The following KDM2A variants were observed in gnomAD, a reference collection of about 807,000 sequenced individuals.
The protein encoded by KDM2A is lysine demethylase 2A.
In KDM2A, 3 loss-of-function variants were observed where a neutral mutation model predicts 137.3. That is an observed-to-expected ratio of 0.02 (90% confidence interval 0.01 to 0.06). KDM2A has a LOEUF of 0.06. KDM2A is among the 10% of genes least tolerant of loss of function. The pLI, the probability that KDM2A is intolerant of heterozygous loss-of-function variation, is 1.00. For missense variants in KDM2A, 738 were observed against 1,510.6 expected (o/e 0.49, Z 8.48); for synonymous variants, 512 against 541.5 (o/e 0.95, Z 0.76).
chr11:67,207,393 GTAT>G (rs1320856562), intron 5 of KDM2A, 114 bp from the exon 6 acceptor site: 56 of 707,532 alleles, frequency 7.9e-5, no homozygotes, highest in African/African-American at 6.6e-4. Flanking sequence ...TTTTCCTTGT[GTAT>G]TATTGAAAAT....
At position 67,245,246 on chromosome 11, in the gene KDM2A, C is replaced by G; in HGVS notation, c.1621C>G (p.His541Asp). 6.2e-7 allele frequency: 1 copy of G among 1,614,048 alleles called. No homozygotes were observed. The highest frequency in any genetic ancestry group is 8.5e-7 in the Non-Finnish European group (1 of 1,179,904). The change falls in exon 14 of 21, where the codon CAC becomes GAC. Residue 541 changes from histidine (H) to aspartate (D), a missense_variant. By Grantham distance (81) the His-to-Asp change is moderately conservative. This residue lies in a region of KDM2A where 71 missense variants were observed against 147.9 expected (regional missense o/e 0.48). Transcript: ENST00000529006. The surrounding 1 kb of genome is among the most constrained non-coding windows in gnomAD (Gnocchi z 4.1). ...RVPTIPITKP[H>D]TMKPAPRLTP... ...TCCTACCATCCCCATTACGAAGCCT[C>G]ACACTATGAAACCAGCTCCACGGTT... is the stretch of plus-strand genomic sequence containing the variant.
At chr11:67,217,966 G>C in intron 9 of KDM2A, 82 bp downstream of exon 9, 3 of 1,224,236 alleles carry the variant, frequency 2.5e-6, no homozygotes, top group South Asian at 3.1e-5. Context: ...ACCAAGAATA[G>C]TTATGATGCT....
intron 2 of KDM2A, among the ~76,000 whole-genome samples, chr11:67,151,050 A>T (rs528229245): frequency 7.2e-4 from 109 of 152,280 alleles, no homozygotes; most frequent in Non-Finnish European, 1.4e-3. Flanking sequence ...ATCATGGTGG[A>T]TAGTAGAAGC....
rs1339102335 is a variant in KDM2A at position 67,245,657 on chromosome 11, G to A, written c.1833+199G>A. 1.6e-6 allele frequency: 1 copy of A among 640,630 alleles called. No homozygotes were observed. The highest frequency in any genetic ancestry group is 2.6e-6 in the Non-Finnish European group (1 of 379,140). 39.7% of individuals were successfully genotyped at this position (640,630 alleles called of 1,614,324 possible). A position where few individuals can be genotyped will look rare whatever the true frequency, so the allele number is the denominator to read the frequency against. Reference sequence around the variant, plus strand: ...ACTAAAAATCCGATTTAATCTTTAGGCTTTACCTAATTTTCAAACAAGAGA... The same window carrying A: ...ACTAAAAATCCGATTTAATCTTTAGACTTTACCTAATTTTCAAACAAGAGA... On this transcript the variant is annotated intron_variant, in intron 14 of 20. Coordinates refer to ENST00000529006, the MANE Select transcript of KDM2A (RefSeq NM_012308.3). This position sits in a 1 kb window ranked among gnomAD's most constrained non-coding sequence, Gnocchi z 4.1.
Position 67,231,672 on chromosome 11 carries a change from G to A in KDM2A, c.1191G>A (p.Ala397=), listed in dbSNP as rs746852978. The A allele has an allele frequency of 4.3e-6, 7 of 1,613,872 alleles. No homozygotes were observed. The highest frequency in any genetic ancestry group is 2.2e-5 in the East Asian group (1 of 44,876). ...GTTCTGTCCTCACTAGCCCTGTAGC[G>A]AATGGAGTCAACCTGGATTATGATG... ...SRRSVLTSPV[A]NGVNLDYDGL... is the part of the protein sequence containing the mutation. Residue 397 remains alanine (A), a synonymous_variant, in exon 12 of 21, where the codon GCG becomes GCA. Coordinates refer to ENST00000529006, the MANE Select transcript of KDM2A (RefSeq NM_012308.3).
At chr11:67,207,449 C>G (rs1311893636) in intron 5 of KDM2A, 61 bp from the exon 6 acceptor site, 1 of 1,257,694 alleles carries the variant, frequency 8.0e-7, no homozygotes, top group African/African-American at 1.5e-5. Context: ...AAAAAATATT[C>G]TTACTATATT....
At chr11:67,182,607 A>C (rs1403473668) in intron 5 of KDM2A, among the ~76,000 whole-genome samples, 1 of 142,760 alleles carries the variant, frequency 7.0e-6, no homozygotes, top group Admixed American at 7.7e-5. Flanking sequence ...ATCTCGGCTC[A>C]CTGCAACCTC....
chr11:67,145,880 A>AT (rs78455991), intron 2 of KDM2A, among the ~76,000 whole-genome samples: 12,906 of 137,356 alleles, frequency 0.094, 1,862 homozygotes, highest in African/African-American at 0.32. Context: ...TCCTTTGGGA[A>AT]TTTTTTTTTT....
At chr11:67,196,799 CA>C in intron 5 of KDM2A, 1 of 218,698 alleles carries the variant, frequency 4.6e-6, no homozygotes, top group Non-Finnish European at 9.4e-6. Flanking sequence ...GTAATGGTTG[CA>C]CAACATTGTG....
intron 6 of KDM2A, among the ~76,000 whole-genome samples, chr11:67,213,571 A>G (rs964500343): frequency 2.0e-4 from 31 of 152,080 alleles, no homozygotes; most frequent in African/African-American, 7.0e-4. Context: ...CAGCCTGGCC[A>G]AGATGGTGAA....
At chr11:67,247,069 A>ATTTTATTT (rs1859261641) in intron 15 of KDM2A, among the ~76,000 whole-genome samples, 3 of 21,066 alleles carry the variant, frequency 1.4e-4, no homozygotes, top group African/African-American at 4.5e-4. Flanking sequence ...ATATATATAT[A>ATTTTATTT]TATTTTTTTT....
At chr11:67,193,537 T>C (rs1374417279) in intron 5 of KDM2A, among the ~76,000 whole-genome samples, 1 of 152,186 alleles carries the variant, frequency 6.6e-6, no homozygotes, top group Non-Finnish European at 1.5e-5. Flanking sequence ...GCCATGTTGT[T>C]GGAGACAGTA....
At position 67,217,712 on chromosome 11, in the gene KDM2A, A is replaced by G. The variant is rs751785296; in HGVS notation, c.688-19A>G. 1.9e-6 allele frequency: 3 copies of G among 1,612,568 alleles called. No homozygotes were observed. The highest frequency in any genetic ancestry group is 2.5e-6 in the Non-Finnish European group (3 of 1,179,228). ...TCATGTCAATGGCTGTTAACAGACTAAAGTTTTTTAACTCACAGGTCTTCT... is the reference window on the plus strand; with the variant it reads ...TCATGTCAATGGCTGTTAACAGACTGAAGTTTTTTAACTCACAGGTCTTCT... On this transcript the variant is annotated intron_variant, in intron 8 of 20. Transcript: ENST00000529006.
intron 5 of KDM2A, among the ~76,000 whole-genome samples, chr11:67,192,965 T>A (rs1857392777): frequency 6.6e-6 from 1 of 152,166 alleles, no homozygotes; most frequent in Non-Finnish European, 1.5e-5. Context: ...CTTGATATTA[T>A]GAGATATTCA....
At chr11:67,228,301 A>T in intron 11 of KDM2A, 138 bp downstream of exon 11, 1 of 879,774 alleles carries the variant, frequency 1.1e-6, no homozygotes, top group Non-Finnish European at 1.7e-6. Context: ...TCATCACTGG[A>T]ATTGAATACC....
chr11:67,126,978 G>A (rs1855745830), intron 2 of KDM2A, among the ~76,000 whole-genome samples: 1 of 152,104 alleles, frequency 6.6e-6, no homozygotes, highest in South Asian at 2.1e-4. Context: ...TTGATTGCCA[G>A]AACAAAGCCA....
At chr11:67,145,129 C>T (rs1433035122) in intron 2 of KDM2A, among the ~76,000 whole-genome samples, 1 of 150,452 alleles carries the variant, frequency 6.6e-6, no homozygotes. Flanking sequence ...AGCTTGGCCT[C>T]CCAAAGTGCT....
chr11:67,194,695 C>A (rs115872216), intron 5 of KDM2A, among the ~76,000 whole-genome samples: 5,597 of 152,248 alleles, frequency 0.037, 436 homozygotes, highest in Admixed American at 0.18. Context: ...TGGTATTAAA[C>A]CACAAGCTAG....
intron 5 of KDM2A, chr11:67,196,437 G>A (rs1857484680): frequency 2.2e-6 from 1 of 455,964 alleles, no homozygotes; most frequent in South Asian, 1.5e-5. Context: ...ACAGTGCTTG[G>A]CTGAATGATA....
Sources: gnomAD v4.1 joint callset for allele counts (sites outside exome capture counted in the v4.1 genomes callset) on GRCh38, gnomAD v4.1.1 for gene constraint, gnomAD v4.1.1 regional missense constraint, Gnocchi (gnomAD v3.1) non-coding constraint, MANE v1.5 for transcripts, NCBI Gene and HGNC (gene_info 2026-07-23, HGNC 2026-07-21) for gene names.